Variants in NRXN3 observed in about 807,000 individuals in gnomAD.
NRXN3 encodes the protein neurexin 3.
Under a neutral mutation model 137.6 loss-of-function variants are expected in NRXN3, and 32 were observed. The observed-to-expected ratio is 0.23, with a 90% CI of 0.18 to 0.31. The LOEUF is 0.31. Among genes scored for constraint, NRXN3 ranks in the 10% least tolerant of loss-of-function variants. The pLI, the probability that NRXN3 is intolerant of heterozygous loss-of-function variation, is 1.00. For synonymous variants in NRXN3, 798 were observed against 784.5 expected (o/e 1.02, Z -0.29); for missense variants, 1,574 against 2,062.5 (o/e 0.76, Z 4.59).
intron 15 of NRXN3, among the ~76,000 whole-genome samples, chr14:79,429,239 C>T (rs539036043): frequency 4.6e-5 from 7 of 152,240 alleles, no homozygotes; most frequent in African/African-American, 1.7e-4. Flanking sequence ...TAGTACCAGT[C>T]CAGACAAATG....
intron 15 of NRXN3, among the ~76,000 whole-genome samples, chr14:79,234,345 TTA>T (rs1463036536): frequency 1.7e-4 from 18 of 106,308 alleles, no homozygotes; most frequent in East Asian, 5.9e-4. Context: ...TATATAATAT[TTA>T]TATATATATT....
At chr14:79,386,998 T>C (rs1343460046) in intron 15 of NRXN3, among the ~76,000 whole-genome samples, 8 of 151,336 alleles carry the variant, frequency 5.3e-5, no homozygotes, top group African/African-American at 1.7e-4. Flanking sequence ...CCATAAAAAC[T>C]CTAGAAGAAA....
At position 79,398,157 on chromosome 14, in the gene NRXN3, C is replaced by T. The variant is rs187363281; in HGVS notation, c.3263-69064C>T. 3.9e-4 allele frequency among the ~76,000 whole-genome samples: 60 copies of T among 152,272 alleles called. 1 individual carries two copies. In the East Asian group the frequency reaches 5.6e-3, roughly 14 times the overall value. On this transcript the variant is annotated intron_variant, in intron 15 of 20. Coordinates refer to ENST00000335750, the MANE Select transcript of NRXN3 (RefSeq NM_001330195.2). ...TTGCCATCCACCCGCTAACTCCAAT[C>T]CTACATGAATGAATGCAAGTGTAGT...
At chr14:79,739,486 G>T (rs993896929) in intron 19 of NRXN3, among the ~76,000 whole-genome samples, 1 of 151,124 alleles carries the variant, frequency 6.6e-6, no homozygotes, top group Non-Finnish European at 1.5e-5. Context: ...TCTACTAAAA[G>T]TACAAAAATT....
chr14:78,480,952 G>A (rs370425473), intron 4 of NRXN3, among the ~76,000 whole-genome samples: 9 of 151,544 alleles, frequency 5.9e-5, no homozygotes, highest in African/African-American at 1.2e-4. Flanking sequence ...TTTCCTCTAC[G>A]TTGTCTCTCC....
At chr14:79,775,478 T>C (rs2099093849) in intron 19 of NRXN3, among the ~76,000 whole-genome samples, 1 of 143,954 alleles carries the variant, frequency 6.9e-6, no homozygotes, top group African/African-American at 2.6e-5. Flanking sequence ...AAATTATTCA[T>C]AGGGAAAGAT....
chr14:79,154,978 G>A (rs1173850457), intron 15 of NRXN3, among the ~76,000 whole-genome samples: 1 of 151,804 alleles, frequency 6.6e-6, no homozygotes, highest in African/African-American at 2.4e-5. Context: ...TTCCCCTGTG[G>A]ATCTCTTATG....
intron 4 of NRXN3, among the ~76,000 whole-genome samples, chr14:78,502,796 T>C (rs2095904714): frequency 6.6e-6 from 1 of 152,154 alleles, no homozygotes; most frequent in African/African-American, 2.4e-5. Context: ...TTCAAAGTGC[T>C]CAAACACGGA....
chr14:79,488,105 A>G (rs2096674512), intron 16 of NRXN3, among the ~76,000 whole-genome samples: 1 of 152,186 alleles, frequency 6.6e-6, no homozygotes, highest in Non-Finnish European at 1.5e-5. Flanking sequence ...GGCAAGCTCC[A>G]TGCTCCAGAG....
At chr14:78,197,860 C>T (rs1157901475) in intron 1 of NRXN3, among the ~76,000 whole-genome samples, 1 of 152,208 alleles carries the variant, frequency 6.6e-6, no homozygotes, top group East Asian at 1.9e-4. Flanking sequence ...TAGCTGTCTC[C>T]TGACACCTTC....
chr14:78,636,569 G>A (rs1390210398), intron 4 of NRXN3, among the ~76,000 whole-genome samples: 4 of 152,140 alleles, frequency 2.6e-5, no homozygotes, highest in African/African-American at 4.8e-5. Flanking sequence ...GGGAGGAAAT[G>A]TTCTCGTGGA....
intron 17 of NRXN3, among the ~76,000 whole-genome samples, chr14:79,678,362 G>C (rs969827969): frequency 6.6e-6 from 1 of 152,132 alleles, no homozygotes; most frequent in Non-Finnish European, 1.5e-5. Context: ...TATTCATTAA[G>C]CATCCTTCTC....
intron 1 of NRXN3, among the ~76,000 whole-genome samples, chr14:78,222,333 T>TACAC (rs72352115): frequency 1.5e-3 from 224 of 148,540 alleles, no homozygotes; most frequent in African/African-American, 4.5e-3. Context: ...CACACACACA[T>TACAC]ACACACACAC....
chr14:78,401,858 C>T (rs2092099729), intron 4 of NRXN3, among the ~76,000 whole-genome samples: 1 of 152,188 alleles, frequency 6.6e-6, no homozygotes, highest in South Asian at 2.1e-4. Context: ...GGAACATACT[C>T]ACTAGTTTCT....
intron 10 of NRXN3, among the ~76,000 whole-genome samples, chr14:78,948,628 C>CTTTTTTTTT (rs201010514): frequency 1.3e-4 from 14 of 108,604 alleles, no homozygotes; most frequent in Admixed American, 2.1e-4. Flanking sequence ...ACACATTTAA[C>CTTTTTTTTT]TTTTTTTTTT....
intron 15 of NRXN3, among the ~76,000 whole-genome samples, chr14:79,083,219 C>A (rs1045375202): frequency 2.0e-5 from 3 of 152,146 alleles, no homozygotes; most frequent in African/African-American, 7.2e-5. Flanking sequence ...AATAACCATT[C>A]CATTGCCAGT....
chr14:78,207,719 G>A (rs144186352), intron 1 of NRXN3, among the ~76,000 whole-genome samples: 70 of 152,226 alleles, frequency 4.6e-4, no homozygotes, highest in Admixed American at 7.8e-4. Flanking sequence ...TAGTCATCAC[G>A]CCCTTTTGGT....
In NRXN3 at chr14:79,050,202, T is replaced by C. The variant is rs114507640; in HGVS notation, c.3262+62061T>C. On this transcript the variant is annotated intron_variant, in intron 15 of 20. Coordinates refer to ENST00000335750, the MANE Select transcript of NRXN3 (RefSeq NM_001330195.2). ...CTGTGTTGTCCTGAGATATCTCATG[T>C]AGAAATGAATTGATGGCCCTTTATA... Among the ~76,000 whole-genome samples the C allele has an allele frequency of 6.3e-3, 964 of 152,334 alleles. 10 individuals are homozygous for C. Among genetic ancestry groups the C allele is most frequent in the African/African-American group, 0.022 (913 of 41,582 alleles).
chr14:79,747,623 A>C (rs2098983602), intron 19 of NRXN3, among the ~76,000 whole-genome samples: 1 of 152,162 alleles, frequency 6.6e-6, no homozygotes, highest in Non-Finnish European at 1.5e-5. Flanking sequence ...TAACTCAGCC[A>C]ATTGATGTGT....
Sources: gnomAD v4.1 joint callset for allele counts (sites outside exome capture counted in the v4.1 genomes callset) on GRCh38, gnomAD v4.1.1 for gene constraint, MANE v1.5 for transcripts, NCBI Gene and HGNC (gene_info 2026-07-23, HGNC 2026-07-21) for gene names.